LTBP4: variants seen among roughly 807,000 people sequenced by gnomAD.
The protein encoded by LTBP4 is latent transforming growth factor beta binding protein 4.
In LTBP4, 93 loss-of-function variants were observed where a neutral mutation model predicts 180.2. The observed-to-expected ratio is 0.52, with a 90% CI of 0.44 to 0.61. LTBP4 has a LOEUF of 0.61. LTBP4 is among the 20% of genes least tolerant of loss of function. The pLI is 0.00. For synonymous variants in LTBP4, 947 were observed against 934.5 expected, an observed-to-expected ratio of 1.01 and a Z score of -0.24; for missense variants, 2,116 against 2,256.5, an observed-to-expected ratio of 0.94 and a Z score of 1.26.
intron 11 of LTBP4, chr19:40,610,120 G>A: frequency 3.9e-6 from 2 of 513,726 alleles, no homozygotes; most frequent in East Asian, 3.2e-5. Context: ...GTATTGCTCC[G>A]CCCCCACGCC....
Position 40,605,516 on chromosome 19 carries a change from TGGCGCGGGCGGAAGCGGC to T in LTBP4, c.567_584del (p.Arg193_Ala198del), listed in dbSNP as rs780900225. ...TGGGAGGAGGCGGACGCTGAGGCGG[TGGCGCGGGCGGAAGCGGC>T]GGCGCGGGCGGAGGCGGCAGCGCCC... On this transcript the variant is annotated inframe_deletion, in exon 3 of 30. Coordinates refer to ENST00000396819, the MANE Select transcript of LTBP4 (RefSeq NM_001042545.2). This position sits in a 1 kb window ranked among gnomAD's most constrained non-coding sequence, Gnocchi z 5.5. The T allele has an allele frequency of 2.3e-5, 37 of 1,609,010 alleles. No individual in the cohort carries two copies. The highest frequency in any genetic ancestry group is 5.5e-5 in the South Asian group (5 of 90,994).
In LTBP4 at chr19:40,625,295, TATATA is replaced by T. The variant is rs2081622826; in HGVS notation, c.3833-561_3833-557del. 2.7e-4 allele frequency among the ~76,000 whole-genome samples: 4 copies of T among 15,042 alleles called. 1 individual carries two copies. The highest frequency in any genetic ancestry group is 4.0e-4 in the Non-Finnish European group (4 of 9,906). The allele number at this position is 15,042 out of a possible 152,430, so 9.9% of individuals were successfully genotyped here. On this transcript the variant is annotated intron_variant, in intron 26 of 29. Coordinates refer to ENST00000396819, the MANE Select transcript of LTBP4 (RefSeq NM_001042545.2). The stretch of plus-strand genomic sequence containing the variant: ...ATATATATATATATATATATATATA[TATATA>T]TATATATATATATATATTTTTTTTT...
At chr19:40,623,182 T>C (rs1054597416) in intron 24 of LTBP4, among the ~76,000 whole-genome samples, 161 bp downstream of exon 24, 1 of 151,200 alleles carries the variant, frequency 6.6e-6, no homozygotes, top group African/African-American at 2.4e-5. Flanking sequence ...TTCTTTTTTT[T>C]TTTTTTCTTA....
At position 40,625,279 on chromosome 19, in the gene LTBP4, TATATATATA is replaced by T. The variant is rs2081619469; in HGVS notation, c.3833-577_3833-569del. ...ATATATATATATATATATATATATA[TATATATATA>T]TATATATATATATATATATATATAT... On this transcript the variant is annotated intron_variant, in intron 26 of 29. Transcript: ENST00000396819. 4.1e-4 allele frequency among the ~76,000 whole-genome samples: 4 copies of T among 9,658 alleles called. 1 individual carries two copies. Among genetic ancestry groups the T allele is most frequent in the Non-Finnish European group, 4.9e-4 (3 of 6,112 alleles). The allele number at this position is 9,658 out of a possible 152,430, so 6.3% of individuals were successfully genotyped here. A position where few individuals can be genotyped will look rare whatever the true frequency, so the allele number is the denominator to read the frequency against.
In LTBP4 at chr19:40,608,467, T is replaced by A. The variant is rs1238368038; in HGVS notation, c.1307-17T>A. 3 of 1,596,350 alleles carry A rather than the reference T, an allele frequency of 1.9e-6. No individual in the cohort carries two copies. The South Asian group carries it at 3.4e-5, about 18-fold the overall frequency. On this transcript the variant is annotated splice_polypyrimidine_tract_variant and intron_variant, in intron 8 of 29. Coordinates refer to ENST00000396819, the MANE Select transcript of LTBP4 (RefSeq NM_001042545.2). ...AGAGGATTTGGGCTCCACTCGTTGA[T>A]ACCCCTTCTTTATCAGGCTTTCTGC...
Position 40,622,979 on chromosome 19 carries a change from C to T in LTBP4, c.3514C>T (p.Arg1172Trp), listed in dbSNP as rs746976523. Residue 1172 changes from arginine to tryptophan, a missense_variant, in exon 24 of 30, where the codon CGG becomes TGG. Arg to Trp is a moderately radical substitution (Grantham distance 101). This residue lies in a region of LTBP4 where 278 missense variants were observed against 373.0 expected (regional missense o/e 0.75). Coordinates refer to ENST00000396819, the MANE Select transcript of LTBP4 (RefSeq NM_001042545.2). This position sits in a 1 kb window ranked among gnomAD's most constrained non-coding sequence, Gnocchi z 5.1. ...AEYQSLCPHG[R>W]GYLAPSGDLS... ...GTACCAGTCATTGTGCCCTCACGGC[C>T]GGGGCTACCTGGCGCCCAGTGGAGA... The T allele has an allele frequency of 1.1e-5, 18 of 1,612,966 alleles. No homozygotes were observed. In the African/African-American group the frequency reaches 1.6e-4, roughly 14 times the overall value.
chr19:40,607,471 C>A lies in LTBP4; in HGVS notation c.1098C>A (p.Cys366Ter), dbSNP rs1164306560. Residue 366 changes from cysteine to a stop codon, truncating the protein, a stop_gained, in exon 7 of 30, where the codon TGC becomes TGA. Coordinates refer to ENST00000396819, the MANE Select transcript of LTBP4 (RefSeq NM_001042545.2). LOFTEE classifies it high-confidence loss of function. The stretch of plus-strand genomic sequence containing the variant: ...ACATCACTAAACAGATCTGCTGCTG[C>A]AGCCGCGTAGGCAAGGCCTGGGGCC... Reference protein sequence around the residue: ...LRNITKQICCCSRVGKAWGRG... With the variant: ...LRNITKQICC 1 of 1,613,202 alleles carries A rather than the reference C, an allele frequency of 6.2e-7. No individual in the cohort carries two copies. Among genetic ancestry groups the A allele is most frequent in the Non-Finnish European group, 8.5e-7 (1 of 1,179,740 alleles).
chr19:40,604,325 G>A (rs2081443516), intron 1 of LTBP4, among the ~76,000 whole-genome samples: 1 of 152,008 alleles, frequency 6.6e-6, no homozygotes. Context: ...AGGGAGTGTG[G>A]GCGGGCATAG....
Position 40,611,215 on chromosome 19 carries a change from G to T in LTBP4, c.1874G>T (p.Gly625Val). 6.2e-7 allele frequency: 1 copy of T among 1,613,876 alleles called. No homozygotes were observed. Among genetic ancestry groups the T allele is most frequent in the Non-Finnish European group, 8.5e-7 (1 of 1,179,828 alleles). ...CGRGACKNLPGSFRCVCPAGF... is the reference protein window; with the variant it reads ...CGRGACKNLPVSFRCVCPAGF... The stretch of plus-strand genomic sequence containing the variant: ...CGAGGGGCCTGCAAGAACCTGCCTG[G>T]CTCTTTCCGCTGTGTTTGCCCGGCT... The change falls in exon 13 of 30, where the codon GGC (glycine) becomes GTC (valine). Residue 625 changes from glycine (G) to valine (V), a missense_variant. Physicochemically the swap from Gly to Val is moderately radical, Grantham distance 109. Transcript: ENST00000396819. This position sits in a 1 kb window ranked among gnomAD's most constrained non-coding sequence, Gnocchi z 4.4.
intron 22 of LTBP4, among the ~76,000 whole-genome samples, chr19:40,621,851 G>A (rs1256646243): frequency 1.3e-5 from 2 of 152,182 alleles, no homozygotes; most frequent in East Asian, 3.9e-4. Context: ...GGGTTCAAGC[G>A]ATTCTCCTGC....
upstream of LTBP4, chr19:40,599,724 C>T (rs2146013043): frequency 1.6e-6 from 1 of 630,470 alleles, no homozygotes; most frequent in East Asian, 2.7e-5. Context: ...CCTTGCCTGC[C>T]TATCTCAGGC....
chr19:40,625,264 A>C (rs1325540855), intron 26 of LTBP4, among the ~76,000 whole-genome samples: 2 of 1,694 alleles, frequency 1.2e-3, no homozygotes, highest in East Asian at 0.015. Context: ...ATATATATAT[A>C]TATATATATA....
chr19:40,624,111 C>G, intron 26 of LTBP4, 29 bp downstream of exon 26: 1 of 1,500,986 alleles, frequency 6.7e-7, no homozygotes, highest in Non-Finnish European at 8.9e-7. Context: ...TCCAGGCCCT[C>G]CTTCCCTTGG....
chr19:40,595,688 G>A (rs1367968493), intron 1 of LTBP4, among the ~76,000 whole-genome samples: 1 of 152,014 alleles, frequency 6.6e-6, no homozygotes, highest in African/African-American at 2.4e-5. Flanking sequence ...TCTTAGGCAA[G>A]GAAGGGATCG....
upstream of LTBP4, chr19:40,599,369 GA>G: frequency 6.2e-7 from 1 of 1,610,420 alleles, no homozygotes; most frequent in Admixed American, 1.7e-5. Context: ...GCATTTGGTA[GA>G]GAAGTACTTG....
In LTBP4 at chr19:40,622,442, G is replaced by T; in HGVS notation, c.3259G>T (p.Val1087Phe). The change falls in exon 23 of 30, where the codon GTT becomes TTT. Residue 1087 changes from valine to phenylalanine, a missense_variant. Physicochemically the swap from Val to Phe is conservative, Grantham distance 50. Around this residue, in one of 5 missense-constraint regions of LTBP4, gnomAD observed 278 missense variants for 373.0 expected, o/e 0.75. Transcript: ENST00000396819. This position sits in a 1 kb window ranked among gnomAD's most constrained non-coding sequence, Gnocchi z 5.1. Reference sequence around the variant, plus strand: ...GCAGCCCCAGGCACCTGCTAGCCCCGTTCTGCCCGCCAGGCCACCTCCGCC... The same window carrying T: ...GCAGCCCCAGGCACCTGCTAGCCCCTTTCTGCCCGCCAGGCCACCTCCGCC... ...GSQPQAPASP[V>F]LPARPPPPPL... 1.3e-6 allele frequency: 2 copies of T among 1,591,248 alleles called. No individual in the cohort carries two copies. Among genetic ancestry groups the T allele is most frequent in the Non-Finnish European group, 8.6e-7 (1 of 1,167,428 alleles).
chr19:40,608,384 G>A lies in LTBP4; in HGVS notation c.1306+15G>A. 2 of 1,610,120 alleles carry A rather than the reference G, an allele frequency of 1.2e-6. No homozygotes were observed. The highest frequency in any genetic ancestry group is 1.1e-5 in the South Asian group (1 of 90,566). Reference sequence around the variant, plus strand: ...GCCATCTGCAGGTGAGCTGGCTCTGGCAGAAGTGGGTGCCATCTTCAAGGG... The same window carrying A: ...GCCATCTGCAGGTGAGCTGGCTCTGACAGAAGTGGGTGCCATCTTCAAGGG... On this transcript the variant is annotated intron_variant, in intron 8 of 29. Transcript: ENST00000396819.
In LTBP4 at chr19:40,613,457, A is replaced by G; in HGVS notation, c.2485A>G (p.Asn829Asp). The change falls in exon 17 of 30, where the codon AAC (asparagine) becomes GAC (aspartate). Residue 829 changes from asparagine (N) to aspartate (D), a missense_variant. By Grantham distance (23) the Asn-to-Asp change is conservative (BLOSUM62 1). Around this residue, in one of 5 missense-constraint regions of LTBP4, gnomAD observed 877 missense variants for 873.6 expected, o/e 1.00. Transcript: ENST00000396819. This position sits in a 1 kb window ranked among gnomAD's most constrained non-coding sequence, Gnocchi z 5.0. ...CTGCTTCCCTCACGGCGAGTGCCTCAACACTGACGGCTCCTTTGCCTGTAC... is the reference window on the plus strand; with the variant it reads ...CTGCTTCCCTCACGGCGAGTGCCTCGACACTGACGGCTCCTTTGCCTGTAC... Reference protein sequence around the residue: ...DFCFPHGECLNTDGSFACTCA... With the variant: ...DFCFPHGECLDTDGSFACTCA... 6.2e-7 allele frequency: 1 copy of G among 1,600,912 alleles called. No homozygotes were observed. Among genetic ancestry groups the G allele is most frequent in the Non-Finnish European group, 8.5e-7 (1 of 1,174,224 alleles).
chr19:40,621,002 C>T (rs955166425), intron 22 of LTBP4, among the ~76,000 whole-genome samples: 5 of 151,336 alleles, frequency 3.3e-5, no homozygotes, highest in Admixed American at 2.0e-4. Flanking sequence ...AGTGCAGTGG[C>T]GTGATCTCAG....
Sources: allele counts gnomAD v4.1 joint callset (sites outside exome capture counted in the v4.1 genomes callset), GRCh38; gene constraint gnomAD v4.1.1; regional missense constraint gnomAD v4.1.1; non-coding constraint Gnocchi (gnomAD v3.1); transcripts MANE v1.5; gene names NCBI Gene and HGNC (gene_info 2026-07-23, HGNC 2026-07-21).